OPCML: variants seen among roughly 807,000 people sequenced by gnomAD.
The protein encoded by OPCML is opioid-binding protein/cell adhesion molecule.
A neutral mutation model predicts 37.8 loss-of-function variants in OPCML; 13 were observed. That is an observed-to-expected ratio of 0.34 (90% CI 0.22 to 0.55). OPCML has a LOEUF of 0.55. Among genes scored for constraint, OPCML ranks in the 20% least tolerant of loss-of-function variants. The pLI, the probability that OPCML is intolerant of heterozygous loss-of-function variation, is 0.91. For missense variants in OPCML, 341 were observed against 435.6 expected (o/e 0.78, Z 1.93); for synonymous variants, 176 against 168.8 (o/e 1.04, Z -0.33).
In OPCML at chr11:132,718,353, A is replaced by G. The variant is rs763618996; in HGVS notation, c.147-61034T>C. ...AGAAAAAGAATGAGGGCTAAATTAC[A>G]TTCAAAATGAGTATTTAGAATGATA... On this transcript the variant is annotated intron_variant, in intron 2 of 7. Transcript: ENST00000524381. Among the ~76,000 whole-genome samples, 19 of 152,338 alleles carry G rather than the reference A, an allele frequency of 1.2e-4. No homozygotes were observed. The South Asian group carries it at 3.9e-3, about 32-fold the overall frequency.
chr11:132,929,384 A>T (rs1476949058), intron 2 of OPCML, among the ~76,000 whole-genome samples: 1 of 152,130 alleles, frequency 6.6e-6, no homozygotes, highest in African/African-American at 2.4e-5. Flanking sequence ...GTCTGTCAAG[A>T]CTGAATCACA....
intron 1 of OPCML, among the ~76,000 whole-genome samples, chr11:133,016,621 A>C (rs1009532866): frequency 1.3e-5 from 2 of 152,238 alleles, no homozygotes; most frequent in Admixed American, 6.5e-5. Flanking sequence ...GTGATAGCTC[A>C]TTATATTCAC....
chr11:132,756,301 A>G (rs187184436), intron 2 of OPCML, among the ~76,000 whole-genome samples: 113 of 152,298 alleles, frequency 7.4e-4, no homozygotes, highest in African/African-American at 2.6e-3. Flanking sequence ...CCAAGGGAGA[A>G]GTGATTAGAA....
At chr11:132,967,301 C>A in intron 1 of OPCML, among the ~76,000 whole-genome samples, 1 of 152,028 alleles carries the variant, frequency 6.6e-6, no homozygotes, top group Middle Eastern at 3.4e-3. Flanking sequence ...AGCTTTATGC[C>A]CTTTTCCCAC....
intron 1 of OPCML, among the ~76,000 whole-genome samples, chr11:133,226,542 C>T (rs1427423998): frequency 6.6e-6 from 1 of 152,198 alleles, no homozygotes; most frequent in East Asian, 1.9e-4. Context: ...AAATGATGAC[C>T]TGAAGGCATC....
intron 4 of OPCML, among the ~76,000 whole-genome samples, chr11:132,458,753 C>T (rs1325768396): frequency 1.3e-5 from 2 of 152,098 alleles, no homozygotes; most frequent in Non-Finnish European, 2.9e-5. Flanking sequence ...ACAGTTTTGA[C>T]ATTTTGGTAA....
intron 2 of OPCML, among the ~76,000 whole-genome samples, chr11:132,935,071 G>T (rs1945325670): frequency 1.3e-5 from 2 of 151,890 alleles, no homozygotes; most frequent in South Asian, 4.2e-4. Flanking sequence ...CCCAGGAGGT[G>T]GAGGTTGCGG....
chr11:133,258,437 G>C (rs756306265), intron 1 of OPCML, among the ~76,000 whole-genome samples: 2 of 152,144 alleles, frequency 1.3e-5, no homozygotes, highest in African/African-American at 4.8e-5. Context: ...AAGGCTTGCC[G>C]ATGAGCACGT....
intron 3 of OPCML, among the ~76,000 whole-genome samples, chr11:132,546,047 A>G (rs889235360): frequency 6.6e-6 from 1 of 152,260 alleles, no homozygotes; most frequent in African/African-American, 2.4e-5. Flanking sequence ...CTGTTTCCCC[A>G]GAAGTCTTCT....
At chr11:132,742,199 G>A (rs756943257) in intron 2 of OPCML, among the ~76,000 whole-genome samples, 13 of 152,222 alleles carry the variant, frequency 8.5e-5, no homozygotes, top group Non-Finnish European at 1.5e-4. Flanking sequence ...TCACTGCTCC[G>A]ACACAAGAGT....
chr11:132,658,331 G>A (rs1231548020), intron 2 of OPCML, among the ~76,000 whole-genome samples: 1 of 152,220 alleles, frequency 6.6e-6, no homozygotes, highest in African/African-American at 2.4e-5. Context: ...ACGGGGAATA[G>A]GCATGGCCTT....
At chr11:132,434,614 C>T (rs1330349200) in intron 7 of OPCML, among the ~76,000 whole-genome samples, 2 of 152,186 alleles carry the variant, frequency 1.3e-5, no homozygotes, top group Non-Finnish European at 2.9e-5. Flanking sequence ...GGGTTAATAA[C>T]CTGCCTTGCA....
At chr11:133,098,824 A>G (rs1949043085) in intron 1 of OPCML, among the ~76,000 whole-genome samples, 1 of 152,186 alleles carries the variant, frequency 6.6e-6, no homozygotes. Context: ...TAACCAACAT[A>G]ATAAGAAAAT....
intron 4 of OPCML, among the ~76,000 whole-genome samples, chr11:132,446,986 G>T (rs186752403): frequency 2.2e-3 from 335 of 152,270 alleles, no homozygotes; most frequent in African/African-American, 7.5e-3. Flanking sequence ...CCAATACTGT[G>T]TTACCTAAGG....
chr11:132,782,124 G>T (rs1947053127), intron 2 of OPCML, among the ~76,000 whole-genome samples: 1 of 151,826 alleles, frequency 6.6e-6, no homozygotes, highest in African/African-American at 2.4e-5. Context: ...CCTCAGAACA[G>T]AACCTGGGGT....
chr11:133,028,529 G>A (rs1235394355), intron 1 of OPCML, among the ~76,000 whole-genome samples: 3 of 20,238 alleles, frequency 1.5e-4, no homozygotes, highest in East Asian at 3.6e-3. Context: ...AGGAGCGTGT[G>A]TGTGTGTGTG....
chr11:133,372,121 A>G (rs1251254786), intron 1 of OPCML, among the ~76,000 whole-genome samples: 2 of 152,190 alleles, frequency 1.3e-5, no homozygotes, highest in Non-Finnish European at 2.9e-5. Flanking sequence ...AGCACAGTAG[A>G]GTGACTATGG....
At chr11:133,098,620 C>T (rs1223982177) in intron 1 of OPCML, among the ~76,000 whole-genome samples, 1 of 152,130 alleles carries the variant, frequency 6.6e-6, no homozygotes, top group Non-Finnish European at 1.5e-5. Flanking sequence ...CAAAATCCAA[C>T]ACCCATTCAT....
intron 1 of OPCML, among the ~76,000 whole-genome samples, chr11:133,025,726 A>ATTTTTTTTTTTTT (rs869296316): frequency 2.2e-5 from 2 of 91,342 alleles, no homozygotes; most frequent in Non-Finnish European, 4.1e-5. Context: ...TGCCGATTTG[A>ATTTTTTTTTTTTT]TTTTTTTTTT....
Sources: allele counts gnomAD v4.1 joint callset (sites outside exome capture counted in the v4.1 genomes callset), GRCh38; gene constraint gnomAD v4.1.1; transcripts MANE v1.5; gene names NCBI Gene and HGNC (gene_info 2026-07-23, HGNC 2026-07-21).